CCSER1: variants seen among roughly 807,000 people sequenced by gnomAD.
CCSER1 encodes coiled-coil serine rich protein 1.
CCSER1 carries 41 observed loss-of-function variants against 82.0 expected under a neutral mutation model. The ratio of observed to expected loss-of-function variants is 0.50; its 90% CI spans 0.39 to 0.65. The LOEUF is 0.65. Among genes scored for constraint, CCSER1 ranks in the 30% least tolerant of loss-of-function variants. The pLI, the probability that CCSER1 is intolerant of heterozygous loss-of-function variation, is 0.00. For synonymous variants in CCSER1, 414 were observed against 383.9 expected (o/e 1.08, Z -0.92); for missense variants, 1,119 against 1,064.2 (o/e 1.05, Z -0.72).
intron 6 of CCSER1, among the ~76,000 whole-genome samples, chr4:90,685,995 G>T (rs995164297): frequency 2.0e-5 from 3 of 152,106 alleles, no homozygotes; most frequent in Admixed American, 6.6e-5. Flanking sequence ...TATTGAGTGG[G>T]TTTGGTGAGC....
intron 7 of CCSER1, among the ~76,000 whole-genome samples, chr4:90,728,854 A>G (rs1180368576): frequency 6.6e-6 from 1 of 152,224 alleles, no homozygotes; most frequent in Non-Finnish European, 1.5e-5. Flanking sequence ...TAGAATTATC[A>G]ATCTTCAACT....
rs187090410 is a variant in CCSER1 at position 90,916,489 on chromosome 4, C to T, written c.2095-6881C>T. Among the ~76,000 whole-genome samples the T allele has an allele frequency of 1.9e-3, 294 of 152,198 alleles. 3 individuals carry two copies. Among genetic ancestry groups the T allele is most frequent in the African/African-American group, 5.9e-3 (245 of 41,516 alleles). The stretch of plus-strand genomic sequence containing the variant: ...GAGAAAGCTGAAACTGGATCCCTTC[C>T]TTACACCTTATACAAAAATTAATTC... On this transcript the variant is annotated intron_variant, in intron 8 of 10. Coordinates refer to ENST00000509176, the MANE Select transcript of CCSER1 (RefSeq NM_001145065.2).
At chr4:90,731,633 T>A (rs1173120112) in intron 7 of CCSER1, among the ~76,000 whole-genome samples, 3 of 152,180 alleles carry the variant, frequency 2.0e-5, no homozygotes, top group African/African-American at 7.2e-5. Context: ...GAGGAACCAA[T>A]GTATTTTATA....
chr4:91,504,020 C>G (rs944995064), intron 10 of CCSER1, among the ~76,000 whole-genome samples: 6 of 152,050 alleles, frequency 3.9e-5, no homozygotes, highest in Admixed American at 6.6e-5. Context: ...TACATAAGTC[C>G]TTTTTATTTA....
chr4:90,504,060 G>T (rs1386045662), intron 5 of CCSER1, among the ~76,000 whole-genome samples: 3 of 151,578 alleles, frequency 2.0e-5, no homozygotes, highest in Admixed American at 1.3e-4. Flanking sequence ...CTTTCCTACT[G>T]ATTTTTTATC....
At chr4:90,901,306 A>G (rs529524835) in intron 8 of CCSER1, among the ~76,000 whole-genome samples, 1 of 151,738 alleles carries the variant, frequency 6.6e-6, no homozygotes, top group East Asian at 1.9e-4. Flanking sequence ...GTTAATATTG[A>G]TATGTGAGGT....
At chr4:90,618,007 T>A (rs545531576) in intron 5 of CCSER1, among the ~76,000 whole-genome samples, 13 of 152,174 alleles carry the variant, frequency 8.5e-5, no homozygotes, top group African/African-American at 1.7e-4. Flanking sequence ...ATCCTTGACT[T>A]GGTGTAATAT....
At chr4:90,526,412 TCTTATA>T (rs1773765606) in intron 5 of CCSER1, among the ~76,000 whole-genome samples, 1 of 152,188 alleles carries the variant, frequency 6.6e-6, no homozygotes, top group Non-Finnish European at 1.5e-5. Flanking sequence ...CTTTTTTTTT[TCTTATA>T]CTTTAATTTC....
intron 10 of CCSER1, among the ~76,000 whole-genome samples, chr4:91,295,794 T>C (rs72879005): frequency 0.014 from 2,121 of 152,020 alleles, 54 homozygotes; most frequent in African/African-American, 0.049. Context: ...GTGTTACGCA[T>C]CATACCATGA....
At chr4:90,684,294 G>C (rs1188099212) in intron 6 of CCSER1, among the ~76,000 whole-genome samples, 4 of 152,064 alleles carry the variant, frequency 2.6e-5, no homozygotes, top group Non-Finnish European at 5.9e-5. Context: ...TAACTTCTTT[G>C]AGATGTAATT....
intron 10 of CCSER1, among the ~76,000 whole-genome samples, chr4:91,239,117 G>A (rs372965437): frequency 2.7e-5 from 4 of 150,060 alleles, no homozygotes; most frequent in South Asian, 2.1e-4. Flanking sequence ...GAGCCACTGC[G>A]CCCGGCCTAT....
At chr4:90,888,814 T>C (rs1340118088) in intron 8 of CCSER1, among the ~76,000 whole-genome samples, 1 of 152,178 alleles carries the variant, frequency 6.6e-6, no homozygotes, top group Admixed American at 6.5e-5. Context: ...TTGATGTTAC[T>C]ATAGCATTAG....
chr4:90,848,917 G>A (rs1763521476), intron 8 of CCSER1, among the ~76,000 whole-genome samples: 1 of 152,178 alleles, frequency 6.6e-6, no homozygotes, highest in Non-Finnish European at 1.5e-5. Context: ...CCACCCTGTG[G>A]AGAGGTGCCT....
chr4:90,322,636 T>C (rs1407665704), intron 3 of CCSER1, among the ~76,000 whole-genome samples: 1 of 152,228 alleles, frequency 6.6e-6, no homozygotes, highest in Non-Finnish European at 1.5e-5. Flanking sequence ...CAGTGTTTCA[T>C]AGTTTTTATT....
intron 9 of CCSER1, among the ~76,000 whole-genome samples, chr4:91,071,519 G>A (rs1581475109): frequency 6.6e-6 from 1 of 152,162 alleles, no homozygotes; most frequent in African/African-American, 2.4e-5. Flanking sequence ...GAACTATCAA[G>A]AGAGTCATAA....
At chr4:91,022,515 G>T (rs1309708143) in intron 9 of CCSER1, among the ~76,000 whole-genome samples, 2 of 152,088 alleles carry the variant, frequency 1.3e-5, no homozygotes, top group African/African-American at 4.8e-5. Flanking sequence ...AATCCTTTGG[G>T]TATATACCCA....
intron 8 of CCSER1, among the ~76,000 whole-genome samples, chr4:90,859,794 T>C (rs370232687): frequency 2.0e-5 from 3 of 151,790 alleles, no homozygotes; most frequent in Non-Finnish European, 3.0e-5. Flanking sequence ...AGGACTGTTA[T>C]GAGATTAGGA....
intron 1 of CCSER1, among the ~76,000 whole-genome samples, chr4:90,136,315 G>A (rs1723689726): frequency 6.6e-6 from 1 of 152,064 alleles, no homozygotes; most frequent in Non-Finnish European, 1.5e-5. Context: ...ATCACACCAT[G>A]CATTCCAGCT....
intron 10 of CCSER1, among the ~76,000 whole-genome samples, chr4:91,087,485 A>G (rs1374147837): frequency 6.6e-6 from 1 of 152,030 alleles, no homozygotes; most frequent in Non-Finnish European, 1.5e-5. Context: ...TATTTTTATT[A>G]TAAGTGTACT....
Sources: allele counts gnomAD v4.1 joint callset (sites outside exome capture counted in the v4.1 genomes callset), GRCh38; gene constraint gnomAD v4.1.1; transcripts MANE v1.5; gene names NCBI Gene and HGNC (gene_info 2026-07-23, HGNC 2026-07-21).